MCF2: variants seen among roughly 807,000 people sequenced by gnomAD.
The protein encoded by MCF2 is proto-oncogene DBL.
Under a neutral mutation model 82.5 loss-of-function variants are expected in MCF2, and 44 were observed. The ratio of observed to expected loss-of-function variants is 0.53; its 90% CI spans 0.42 to 0.69. The LOEUF (loss-of-function observed/expected upper bound fraction) is 0.69, where lower values mean the gene tolerates loss of function less well. Among genes scored for constraint, MCF2 ranks in the 30% least tolerant of loss-of-function variants. The pLI, the probability that MCF2 is intolerant of heterozygous loss-of-function variation, is 0.00. For missense variants in MCF2, 623 were observed against 663.1 expected (o/e 0.94, Z 0.66); for synonymous variants, 217 against 224.9 (o/e 0.96, Z 0.32).
intron 1 of MCF2, among the ~76,000 whole-genome samples, chrX:139,639,425 A>G (rs1007045276): frequency 2.7e-5 from 3 of 111,605 alleles, no homozygotes; most frequent in Non-Finnish European, 5.6e-5. Flanking sequence ...CCAGCTGCCT[A>G]TCACATAGGA....
intron 1 of MCF2, among the ~76,000 whole-genome samples, chrX:139,653,324 T>C (rs191669842): frequency 8.9e-6 from 1 of 112,327 alleles, no homozygotes; most frequent in African/African-American, 3.2e-5. Flanking sequence ...ACTTTTTAAA[T>C]GAGAAAGCAT....
intron 1 of MCF2, among the ~76,000 whole-genome samples, chrX:139,686,067 C>T (rs1279311435): frequency 1.1e-4 from 2 of 17,834 alleles, no homozygotes; most frequent in Non-Finnish European, 1.2e-4. Context: ...CACCCCTTCA[C>T]GTTAAAAAAA....
At chrX:139,620,161 C>T in intron 6 of MCF2, among the ~76,000 whole-genome samples, 2 of 109,293 alleles carry the variant, frequency 1.8e-5, no homozygotes, top group South Asian at 8.0e-4. Flanking sequence ...AAGCACATCT[C>T]CCACCCAGAC....
rs1929984000 is a variant in MCF2 at position 139,595,485 on chromosome X, C to G, written c.2277+1064G>C. ...AGTAAACTATCGCAAGAACAAAAAA[C>G]CAAACACCACATCTTCTCACTCATA... On this transcript the variant is annotated intron_variant, in intron 19 of 24. Transcript: ENST00000370576. 3.9e-5 allele frequency among the ~76,000 whole-genome samples: 4 copies of G among 103,067 alleles called. No homozygotes were observed. The South Asian group carries it at 1.9e-3, about 48-fold the overall frequency. The allele number at this position is 103,067 out of a possible 115,157, so 89.5% of individuals were successfully genotyped here.
intron 6 of MCF2, among the ~76,000 whole-genome samples, chrX:139,619,997 T>TTGTGTG (rs57662065): frequency 3.6e-4 from 34 of 93,409 alleles, no homozygotes; most frequent in Non-Finnish European, 5.5e-4. Flanking sequence ...ATATATACAT[T>TTGTGTG]TGTGTGTGTG....
rs774418017 is a variant in MCF2, at chrX:139,679,854, C to T, written c.-44-28066G>A. Among the ~76,000 whole-genome samples the T allele has an allele frequency of 8.0e-4, 88 of 110,577 alleles. 1 individual carries two copies. Among genetic ancestry groups the T allele is most frequent in the African/African-American group, 2.7e-3 (83 of 30,511 alleles). On this transcript the variant is annotated intron_variant, in intron 1 of 27. Transcript: ENST00000414978. ...ATATTATATTAAGGTTACAATATAA[C>T]CTTAAGTATATTAATAATTAAGACC...
At chrX:139,671,244 T>G (rs959778867) in intron 1 of MCF2, among the ~76,000 whole-genome samples, 3 of 112,005 alleles carry the variant, frequency 2.7e-5, no homozygotes, top group African/African-American at 6.5e-5. Context: ...TTGCAAAAAT[T>G]TTCTCCCATT....
intron 10 of MCF2, 74 bp downstream of exon 14, chrX:139,613,142 G>A (rs1931624128): frequency 1.3e-6 from 1 of 754,754 alleles, no homozygotes; most frequent in Non-Finnish European, 1.9e-6. Context: ...GTTTTTAGAT[G>A]CCAAACTGGT....
chrX:139,671,503 A>G (rs1297758835), intron 1 of MCF2, among the ~76,000 whole-genome samples: 2 of 111,443 alleles, frequency 1.8e-5, no homozygotes, highest in African/African-American at 6.5e-5. Context: ...AGGTGTAAGG[A>G]AGGGATCCAG....
intron 19 of MCF2, among the ~76,000 whole-genome samples, chrX:139,593,700 G>A (rs745811139): frequency 7.9e-4 from 88 of 111,420 alleles, no homozygotes; most frequent in Non-Finnish European, 1.4e-3. Context: ...GATCAAGCGG[G>A]CTTCATCCCT....
intron 1 of MCF2, chrX:139,691,793 G>T (rs1935272305): frequency 7.5e-6 from 4 of 534,897 alleles, no homozygotes; most frequent in Admixed American, 6.6e-5. Context: ...AATAAAGTGC[G>T]CGCGGGGAGG....
At chrX:139,616,420 A>C (rs755254972) in exon 9 of MCF2, 2 of 1,175,945 alleles carry the variant, frequency 1.7e-6, no homozygotes, top group East Asian at 6.0e-5. Flanking sequence ...ACTGAAACTT[A>C]TCTATTTCCT....
intron 1 of MCF2, chrX:139,691,858 G>T: frequency 9.7e-7 from 1 of 1,028,280 alleles, no homozygotes; most frequent in Non-Finnish European, 1.3e-6. Context: ...CAGCGGCTGA[G>T]AAGAAGGGCA....
At chrX:139,625,115 T>C (rs1490955716) in intron 6 of MCF2, among the ~76,000 whole-genome samples, 1 of 111,368 alleles carries the variant, frequency 9.0e-6, no homozygotes, top group Non-Finnish European at 1.9e-5. Flanking sequence ...CTTGTCGACA[T>C]GTCACTATGA....
At chrX:139,641,824 G>T (rs899669981) in intron 1 of MCF2, among the ~76,000 whole-genome samples, 1 of 111,369 alleles carries the variant, frequency 9.0e-6, no homozygotes, top group Non-Finnish European at 1.9e-5. Flanking sequence ...TTAGGCAAAA[G>T]ACTGCATGAA....
intron 6 of MCF2, among the ~76,000 whole-genome samples, chrX:139,621,237 C>T (rs1186347290): frequency 9.0e-6 from 1 of 111,340 alleles, no homozygotes; most frequent in Admixed American, 9.6e-5. Flanking sequence ...CCTCAATATA[C>T]AAGAATCTTG....
chrX:139,649,053 T>G (rs901400640), intron 2 of MCF2, among the ~76,000 whole-genome samples: 6 of 112,408 alleles, frequency 5.3e-5, no homozygotes, highest in Non-Finnish European at 1.1e-4. Context: ...CAACATGACC[T>G]AATTGACATT....
chrX:139,646,478 G>T (rs1359881608), upstream of MCF2, among the ~76,000 whole-genome samples: 1 of 111,654 alleles, frequency 9.0e-6, no homozygotes, highest in Non-Finnish European at 1.9e-5. Flanking sequence ...ACTCTTGGCT[G>T]GTAATATTTC....
Position 139,605,895 on chromosome X carries a change from G to A in MCF2, c.1491-116C>T. The A allele has an allele frequency of 1.8e-5, 9 of 504,638 alleles. No individual in the cohort carries two copies. In the South Asian group the frequency reaches 4.0e-4, roughly 23 times the overall value. The allele number at this position is 504,638 out of a possible 1,213,427, so 41.6% of individuals were successfully genotyped here. ...TAGCTAATGCATAGGAATTATCAAT[G>A]GTTTTCGTTTTAGCATCAAAATATG... is the stretch of plus-strand genomic sequence containing the variant. On this transcript the variant is annotated intron_variant, in intron 12 of 24. Transcript: ENST00000370576.
Sources: gnomAD v4.1 joint callset for allele counts (sites outside exome capture counted in the v4.1 genomes callset) on GRCh38, gnomAD v4.1.1 for gene constraint, MANE v1.5 for transcripts, NCBI Gene and HGNC (gene_info 2026-07-23, HGNC 2026-07-21) for gene names.